Variants in EIPR1 observed in about 807,000 individuals in gnomAD.
EIPR1 encodes the protein EARP and GARP complex-interacting protein 1.
In EIPR1, 25 loss-of-function variants were observed where a neutral mutation model predicts 48.1. The ratio of observed to expected loss-of-function variants is 0.52; its 90% CI spans 0.38 to 0.73. EIPR1 has a LOEUF of 0.73. Among genes scored for constraint, EIPR1 ranks in the 30% least tolerant of loss-of-function variants. The probability of loss-of-function intolerance (pLI) is 0.00; values close to 1 mark genes in which losing one functional copy is unlikely to be tolerated. For synonymous variants in EIPR1, 204 were observed against 201.9 expected (o/e 1.01, Z -0.09); for missense variants, 415 against 506.2 (o/e 0.82, Z 1.73).
intron 3 of EIPR1, chr2:3,274,490 T>A: frequency 6.6e-7 from 1 of 1,519,782 alleles, no homozygotes; most frequent in Admixed American, 2.2e-5. Flanking sequence ...TTAAGGTAAA[T>A]CAAGCCATGA....
intron 2 of EIPR1, among the ~76,000 whole-genome samples, chr2:3,349,852 G>A (rs765054765): frequency 1.4e-4 from 21 of 152,140 alleles, no homozygotes; most frequent in Non-Finnish European, 2.4e-4. Context: ...GGCCAGGTAC[G>A]GTGGCTCACG....
At chr2:3,238,628 C>T (rs116069858) in intron 4 of EIPR1, among the ~76,000 whole-genome samples, 2 of 152,316 alleles carry the variant, frequency 1.3e-5, no homozygotes, top group African/African-American at 4.8e-5. Context: ...ACAGAGGAAG[C>T]GTCCAATGTG....
At chr2:3,195,817 G>A (rs1236453003) in intron 6 of EIPR1, among the ~76,000 whole-genome samples, 7 of 152,210 alleles carry the variant, frequency 4.6e-5, no homozygotes, top group Non-Finnish European at 1.0e-4. Flanking sequence ...AGGACCCTCT[G>A]TGCTGCGCTG....
Position 3,189,053 on chromosome 2 carries a change from A to AT in EIPR1, c.*280_*281insA. 1 of 302,024 alleles carries AT rather than the reference A, an allele frequency of 3.3e-6. No individual in the cohort carries two copies. Among genetic ancestry groups the AT allele is most frequent in the East Asian group, 5.3e-5 (1 of 18,856 alleles). The allele number at this position is 302,024 out of a possible 1,614,324, so 18.7% of individuals were successfully genotyped here. On this transcript the variant is annotated 3_prime_UTR_variant, in exon 9 of 9. Coordinates refer to ENST00000382125, the MANE Select transcript of EIPR1 (RefSeq NM_003310.5). This position sits in a 1 kb window ranked among gnomAD's most constrained non-coding sequence, Gnocchi z 4.6. Reference sequence around the variant, plus strand: ...TGCAGGAACAGACATTTTTTTAAAAAGCGAAACTCCTGACACCCTTAAAAC... The same window carrying AT: ...TGCAGGAACAGACATTTTTTTAAAAATGCGAAACTCCTGACACCCTTAAAAC...
chr2:3,313,364 T>TA (rs149915955), intron 3 of EIPR1, among the ~76,000 whole-genome samples: 7,467 of 151,856 alleles, frequency 0.049, 583 homozygotes, highest in African/African-American at 0.17. Context: ...GCCTGAGAGT[T>TA]AAAAAAGTGG....
intron 3 of EIPR1, among the ~76,000 whole-genome samples, chr2:3,258,042 G>A (rs1667217510): frequency 6.6e-6 from 1 of 152,224 alleles, no homozygotes; most frequent in South Asian, 2.1e-4. Context: ...TGGCAGCCCA[G>A]CCTGGTCATG....
At chr2:3,220,643 C>T (rs1665851955) in intron 4 of EIPR1, among the ~76,000 whole-genome samples, 1 of 151,816 alleles carries the variant, frequency 6.6e-6, no homozygotes, top group South Asian at 2.1e-4. Context: ...TGCACACACG[C>T]GATTACCATG....
chr2:3,306,333 T>C (rs1668944146), intron 3 of EIPR1, among the ~76,000 whole-genome samples: 2 of 152,376 alleles, frequency 1.3e-5, no homozygotes, highest in African/African-American at 4.8e-5. Context: ...GAATTCATTA[T>C]CTAAGATTCT....
intron 2 of EIPR1, among the ~76,000 whole-genome samples, chr2:3,351,338 A>G (rs888605187): frequency 6.6e-6 from 1 of 152,126 alleles, no homozygotes; most frequent in Non-Finnish European, 1.5e-5. Flanking sequence ...TTTGGTACCA[A>G]TGGTTCTTCA....
At chr2:3,324,323 G>A (rs894303630) in intron 3 of EIPR1, among the ~76,000 whole-genome samples, 1 of 152,174 alleles carries the variant, frequency 6.6e-6, no homozygotes, top group African/African-American at 2.4e-5. Flanking sequence ...CAGAGCCCAT[G>A]ATGAGCAGCA....
intron 3 of EIPR1, among the ~76,000 whole-genome samples, chr2:3,323,038 G>A (rs1301295229): frequency 6.6e-6 from 1 of 151,972 alleles, no homozygotes; most frequent in Non-Finnish European, 1.5e-5. Context: ...ATAACCTCTG[G>A]CTCTTTCCGG....
At chr2:3,239,783 C>T (rs979699743) in intron 4 of EIPR1, among the ~76,000 whole-genome samples, 2 of 152,272 alleles carry the variant, frequency 1.3e-5, no homozygotes, top group African/African-American at 4.8e-5. Flanking sequence ...TGCTCATTAA[C>T]CCCAACCTAG....
At chr2:3,212,415 C>A (rs1243825702) in intron 5 of EIPR1, among the ~76,000 whole-genome samples, 2 of 152,212 alleles carry the variant, frequency 1.3e-5, no homozygotes. Context: ...ACACCAGGAG[C>A]TGGGCCCTCT....
chr2:3,370,136 A>G (rs1475722088), intron 1 of EIPR1, among the ~76,000 whole-genome samples: 2 of 152,206 alleles, frequency 1.3e-5, no homozygotes, highest in Non-Finnish European at 2.9e-5. Context: ...CAGGGTCTGG[A>G]GTGGACCTCT....
intron 2 of EIPR1, among the ~76,000 whole-genome samples, chr2:3,343,705 C>T (rs535657846): frequency 3.3e-5 from 5 of 152,358 alleles, no homozygotes; most frequent in Non-Finnish European, 7.3e-5. Context: ...ACCTCTCCCT[C>T]CTTTTCTGCA....
intron 3 of EIPR1, among the ~76,000 whole-genome samples, chr2:3,332,749 T>C (rs766549649): frequency 2.0e-5 from 3 of 152,236 alleles, no homozygotes; most frequent in African/African-American, 7.2e-5. Context: ...ATCATCTATA[T>C]AGAAAACGTT....
rs551138471 is a variant in EIPR1 at position 3,246,034 on chromosome 2, T to G, written c.416+11265A>C. 2.0e-5 allele frequency among the ~76,000 whole-genome samples: 3 copies of G among 152,170 alleles called. No homozygotes were observed. The South Asian group carries it at 6.2e-4, about 32-fold the overall frequency. Reference sequence around the variant, plus strand: ...TGAGCCTGGAAGGCCGAGGCTGTGGTTGAGCCGTGATCACACCACTGCACT... The same window carrying G: ...TGAGCCTGGAAGGCCGAGGCTGTGGGTGAGCCGTGATCACACCACTGCACT... On this transcript the variant is annotated intron_variant, in intron 4 of 8. Transcript: ENST00000382125.
At chr2:3,296,984 GC>G (rs1443126538) in intron 3 of EIPR1, among the ~76,000 whole-genome samples, 4 of 152,228 alleles carry the variant, frequency 2.6e-5, no homozygotes, top group African/African-American at 9.6e-5. Flanking sequence ...CTCCTGCCTA[GC>G]CTGGAAGCCA....
chr2:3,339,425 G>A (rs2103353342), intron 2 of EIPR1, among the ~76,000 whole-genome samples: 1 of 152,314 alleles, frequency 6.6e-6, no homozygotes, highest in South Asian at 2.1e-4. Context: ...CATCACCCAG[G>A]CCTCAGATGG....
Sources: gnomAD v4.1 joint callset for allele counts (sites outside exome capture counted in the v4.1 genomes callset) on GRCh38, gnomAD v4.1.1 for gene constraint, Gnocchi (gnomAD v3.1) non-coding constraint, MANE v1.5 for transcripts, NCBI Gene and HGNC (gene_info 2026-07-23, HGNC 2026-07-21) for gene names.